LDB3: variants seen among roughly 807,000 people sequenced by gnomAD.
LDB3 encodes LIM domain-binding protein 3.
In LDB3, 49 loss-of-function variants were observed where a neutral mutation model predicts 69.0. The ratio of observed to expected loss-of-function variants is 0.71; its 90% CI spans 0.56 to 0.90. LDB3 has a LOEUF of 0.90. Among genes scored for constraint, LDB3 ranks in the 40% least tolerant of loss-of-function variants. The probability of loss-of-function intolerance (pLI) is 0.00; values close to 1 mark genes in which losing one functional copy is unlikely to be tolerated. For missense variants in LDB3, 928 were observed against 974.1 expected (o/e 0.95, Z 0.63); for synonymous variants, 387 against 396.2 (o/e 0.98, Z 0.28).
chr10:86,698,350 G>T (rs575010049), intron 7 of LDB3, among the ~76,000 whole-genome samples: 2,446 of 152,288 alleles, frequency 0.016, 52 homozygotes, highest in African/African-American at 0.049. Context: ...TGGAAGCACC[G>T]TACAGGTTAA....
Position 86,699,707 on chromosome 10 carries a change from C to T in LDB3, c.897-6824C>T, listed in dbSNP as rs1846174673. ...GGTTTGCTGGCATAACACCCCAGAA[C>T]CAAGGGAAATGGATGGGCCGCTGCT... On this transcript the variant is annotated intron_variant, in intron 7 of 13. Transcript: ENST00000361373. This position sits in a 1 kb window ranked among gnomAD's most constrained non-coding sequence, Gnocchi z 4.9. 2.0e-5 allele frequency: 24 copies of T among 1,175,506 alleles called. No homozygotes were observed. In the Admixed American group the frequency reaches 2.3e-4, roughly 11 times the overall value. The allele number at this position is 1,175,506 out of a possible 1,614,324, so 72.8% of individuals were successfully genotyped here. A position where few individuals can be genotyped will look rare whatever the true frequency, so the allele number is the denominator to read the frequency against.
At chr10:86,679,995 T>G (rs1845021412) in intron 3 of LDB3, 87 bp from the exon 4 acceptor site, 3 of 1,178,204 alleles carry the variant, frequency 2.5e-6, no homozygotes, top group Non-Finnish European at 1.3e-6. Flanking sequence ...GGCTCTCTCT[T>G]GCTCTCTCCT....
At chr10:86,722,705 T>C (rs1357738846) in intron 12 of LDB3, among the ~76,000 whole-genome samples, 1 of 151,526 alleles carries the variant, frequency 6.6e-6, no homozygotes, top group African/African-American at 2.4e-5. Context: ...TAGCTGGGAT[T>C]ACAGGCTCCC....
Position 86,685,770 on chromosome 10 carries a change from C to T in LDB3, c.689+3967C>T, listed in dbSNP as rs114669758. On this transcript the variant is annotated intron_variant, in intron 5 of 13. Transcript: ENST00000361373. ...CCAGCATGTGTCTGCGTGTGTCTGGCGTGGATAGAGTGTGCCTGCTGGCAT... is the reference window on the plus strand; with the variant it reads ...CCAGCATGTGTCTGCGTGTGTCTGGTGTGGATAGAGTGTGCCTGCTGGCAT... 547 of 1,564,188 alleles carry T rather than the reference C, an allele frequency of 3.5e-4. 3 individuals carry two copies. The African/African-American group carries it at 6.6e-3, about 19-fold the overall frequency.
intron 7 of LDB3, among the ~76,000 whole-genome samples, chr10:86,701,972 C>T (rs1846277108): frequency 6.6e-6 from 1 of 152,186 alleles, no homozygotes; most frequent in Non-Finnish European, 1.5e-5. Flanking sequence ...ATGAGGTGTT[C>T]TTCATCTAGA....
At chr10:86,709,764 C>A in intron 8 of LDB3, 141 bp from the exon 9 acceptor site, 2 of 892,294 alleles carry the variant, frequency 2.2e-6, no homozygotes, top group Non-Finnish European at 3.5e-6. Flanking sequence ...CCTTCCTTCA[C>A]AGTTTCTGGC....
chr10:86,687,460 G>T (rs901125469), intron 5 of LDB3, among the ~76,000 whole-genome samples: 21 of 152,244 alleles, frequency 1.4e-4, no homozygotes, highest in African/African-American at 5.1e-4. Flanking sequence ...CCCTCTCCAT[G>T]GTCAGCTTTA....
Position 86,681,723 on chromosome 10 carries a change from G to A in LDB3, c.609G>A (p.Ser203=), listed in dbSNP as rs45531131. Residue 203 remains serine (S), a synonymous_variant, in exon 5 of 14, where the codon TCG becomes TCA. Transcript: ENST00000361373. The part of the protein sequence containing the change: ...RQYNNPIGLY[S]AETLREMAQM... ...ATAACAACCCCATTGGCCTGTACTC[G>A]GCAGAGACCCTGAGGGAGATGGCTC... The A allele has an allele frequency of 2.7e-3, 4,397 of 1,611,658 alleles. 104 individuals carry two copies. The African/African-American group carries it at 0.051, about 19-fold the overall frequency.
chr10:86,692,282 G>C (rs1249595357), intron 6 of LDB3, among the ~76,000 whole-genome samples: 2 of 152,264 alleles, frequency 1.3e-5, no homozygotes, highest in African/African-American at 2.4e-5. Flanking sequence ...AACTCCAGCA[G>C]TGGGCAGCAG....
intron 8 of LDB3, among the ~76,000 whole-genome samples, chr10:86,707,443 C>T (rs1003000960): frequency 6.6e-6 from 1 of 151,988 alleles, no homozygotes; most frequent in Non-Finnish European, 1.5e-5. Flanking sequence ...CCTGCATCTG[C>T]CCTCCTAGAC....
chr10:86,710,785 C>T (rs553566025), intron 9 of LDB3, among the ~76,000 whole-genome samples: 1 of 152,328 alleles, frequency 6.6e-6, no homozygotes, highest in East Asian at 1.9e-4. Flanking sequence ...TCATGAAGCT[C>T]GCTCTGACAG....
At chr10:86,678,425 T>C (rs527979028) in intron 2 of LDB3, among the ~76,000 whole-genome samples, 10 of 150,846 alleles carry the variant, frequency 6.6e-5, no homozygotes, top group Admixed American at 6.6e-4. Context: ...CGGCAACCTC[T>C]GCCTCCTGGG....
chr10:86,692,583 G>A lies in LDB3; in HGVS notation c.896+12G>A. 1 of 1,613,472 alleles carries A rather than the reference G, an allele frequency of 6.2e-7. No individual in the cohort carries two copies. The highest frequency in any genetic ancestry group is 8.5e-7 in the Non-Finnish European group (1 of 1,179,350). On this transcript the variant is annotated intron_variant, in intron 7 of 13. Coordinates refer to ENST00000361373, the MANE Select transcript of LDB3 (RefSeq NM_007078.3). ...CTGCGAAGGTCAAGGTAAGTGCCTG[G>A]ACTCAGGCTCTGTGGCCTTGCCCTC...
At chr10:86,720,686 G>A (rs1413456453) in intron 12 of LDB3, among the ~76,000 whole-genome samples, 2 of 152,192 alleles carry the variant, frequency 1.3e-5, no homozygotes, top group African/African-American at 4.8e-5. Flanking sequence ...TCTACTAAAA[G>A]CATTATAACT....
intron 7 of LDB3, among the ~76,000 whole-genome samples, chr10:86,704,595 T>G (rs1284349522): frequency 1.3e-5 from 2 of 149,452 alleles, no homozygotes; most frequent in Non-Finnish European, 1.5e-5. Flanking sequence ...TTTTTTTTTT[T>G]TTGAGACGGA....
At chr10:86,727,028 T>C (rs984978167) in intron 13 of LDB3, among the ~76,000 whole-genome samples, 3 of 151,862 alleles carry the variant, frequency 2.0e-5, no homozygotes, top group Admixed American at 2.0e-4. Context: ...TTTTTTTTTT[T>C]TTTTTTTTGA....
rs1199535315 is a variant in LDB3 at position 86,670,590 on chromosome 10, C to T, written c.93+1806C>T. Among the ~76,000 whole-genome samples, 6 of 152,198 alleles carry T rather than the reference C, an allele frequency of 3.9e-5. No individual in the cohort carries two copies. In the East Asian group the frequency reaches 5.8e-4, roughly 15 times the overall value. On this transcript the variant is annotated intron_variant, in intron 2 of 13. Transcript: ENST00000361373. ...CCAGGGTCTATGTGCCACCTGGCCC[C>T]GGCCAGCCAGGGGCTTAAATGGCAG...
In LDB3 at chr10:86,709,782, C is replaced by T. The variant is rs577507978; in HGVS notation, c.1086-123C>T. 60 of 1,065,614 alleles carry T rather than the reference C, an allele frequency of 5.6e-5. 1 individual carries two copies. The South Asian group carries it at 7.6e-4, about 13-fold the overall frequency. The allele number at this position is 1,065,614 out of a possible 1,614,324, so 66.0% of individuals were successfully genotyped here. ...TCCTTCACAGTTTCTGGCAGTTCCC[C>T]AGAAATGTCTCTGTCAGGTGTCCTC... On this transcript the variant is annotated intron_variant, in intron 8 of 13. Transcript: ENST00000361373.
chr10:86,714,618 C>T (rs560645013), intron 9 of LDB3, among the ~76,000 whole-genome samples: 22 of 144,910 alleles, frequency 1.5e-4, no homozygotes, highest in African/African-American at 4.9e-4. Context: ...TGCAGTGGTA[C>T]GATCTCGGGT....
Sources: gnomAD v4.1 joint callset for allele counts (sites outside exome capture counted in the v4.1 genomes callset) on GRCh38, gnomAD v4.1.1 for gene constraint, Gnocchi (gnomAD v3.1) non-coding constraint, MANE v1.5 for transcripts, NCBI Gene and HGNC (gene_info 2026-07-23, HGNC 2026-07-21) for gene names.